BCAR3: variants seen among roughly 807,000 people sequenced by gnomAD.
BCAR3 encodes the protein breast cancer anti-estrogen resistance protein 3.
A neutral mutation model predicts 80.1 loss-of-function variants in BCAR3; 37 were observed. The ratio of observed to expected loss-of-function variants is 0.46; its 90% CI spans 0.36 to 0.61. The LOEUF (loss-of-function observed/expected upper bound fraction) is 0.61. BCAR3 is among the 20% of genes least tolerant of loss of function. BCAR3 has a pLI of 0.00. For synonymous variants in BCAR3, 389 were observed against 418.9 expected, an observed-to-expected ratio of 0.93 and a Z score of 0.87; for missense variants, 978 against 1,068.2, an observed-to-expected ratio of 0.92 and a Z score of 1.18.
chr1:93,790,017 GGAGTGTGT>G (rs1653085815), intron 2 of BCAR3, among the ~76,000 whole-genome samples: 1 of 152,102 alleles, frequency 6.6e-6, no homozygotes, highest in African/African-American at 2.4e-5. Flanking sequence ...AGTAGAGGAG[GGAGTGTGT>G]GGGACAAAAT....
rs1653306283 is a variant in BCAR3, at chr1:93,797,103, T to C, written c.-63+48464A>G. ...CTGCATCCAAAACGACTGGCCACGT[T>C]TTAGAGGCCACTTCTGCTTCCATTT... On this transcript the variant is annotated intron_variant, in intron 2 of 13. Transcript: ENST00000370244. Among the ~76,000 whole-genome samples the C allele has an allele frequency of 1.3e-5, 2 of 152,190 alleles. 1 individual carries two copies. Among genetic ancestry groups the C allele is most frequent in the South Asian group, 4.1e-4 (2 of 4,832 alleles).
chr1:93,631,749 C>CA (rs1557630848), intron 3 of BCAR3, among the ~76,000 whole-genome samples: 1 of 152,204 alleles, frequency 6.6e-6, no homozygotes, highest in Admixed American at 6.5e-5. Context: ...GCACAGAATA[C>CA]AAATTCACAC....
At chr1:93,703,677 A>G (rs1243388813) in intron 3 of BCAR3, among the ~76,000 whole-genome samples, 1 of 152,188 alleles carries the variant, frequency 6.6e-6, no homozygotes, top group African/African-American at 2.4e-5. Context: ...GAGTGCTTCT[A>G]TATGCCCATT....
chr1:93,712,779 A>G (rs1438011441), intron 2 of BCAR3, among the ~76,000 whole-genome samples: 1 of 152,232 alleles, frequency 6.6e-6, no homozygotes. Context: ...AAGAGTTCAC[A>G]TAACCTCTTC....
Position 93,744,710 on chromosome 1 carries a change from C to T in BCAR3, c.-62-38568G>A, listed in dbSNP as rs370410093. 7.2e-5 allele frequency among the ~76,000 whole-genome samples: 11 copies of T among 152,322 alleles called. No homozygotes were observed. In the East Asian group the frequency reaches 1.2e-3, roughly 16 times the overall value. ...CTGAGGCCAGCAGAAACCCCTGTCCCGCCTTCCTTGGCTCAGTTCTCTAGA... is the reference window on the plus strand; with the variant it reads ...CTGAGGCCAGCAGAAACCCCTGTCCTGCCTTCCTTGGCTCAGTTCTCTAGA... On this transcript the variant is annotated intron_variant, in intron 2 of 13. Coordinates refer to the BCAR3 transcript ENST00000370244.
intron 3 of BCAR3, chr1:93,613,838 C>G: frequency 6.5e-7 from 1 of 1,550,270 alleles, no homozygotes; most frequent in Non-Finnish European, 8.7e-7. Flanking sequence ...ATTTCCAAAC[C>G]AAACCTACCT....
At chr1:93,651,164 G>A (rs1676314422) in intron 2 of BCAR3, among the ~76,000 whole-genome samples, 1 of 152,210 alleles carries the variant, frequency 6.6e-6, no homozygotes, top group East Asian at 1.9e-4. Context: ...AGTGGGCTTG[G>A]GGAGAAGGTA....
At chr1:93,768,268 T>TG (rs1491125259) in intron 2 of BCAR3, among the ~76,000 whole-genome samples, 31 of 115,070 alleles carry the variant, frequency 2.7e-4, no homozygotes, top group African/African-American at 1.4e-3. Context: ...TGTGTGTGTG[T>TG]TTGTGTGTGT....
intron 2 of BCAR3, among the ~76,000 whole-genome samples, chr1:93,766,028 C>T (rs1249569111): frequency 6.6e-6 from 1 of 152,156 alleles, no homozygotes; most frequent in East Asian, 1.9e-4. Context: ...TAGTAGATCT[C>T]CAGAACTTAT....
intron 3 of BCAR3, among the ~76,000 whole-genome samples, chr1:93,699,708 T>C (rs1406899431): frequency 1.3e-5 from 2 of 152,190 alleles, no homozygotes; most frequent in Admixed American, 6.5e-5. Context: ...GTTTAGTTCA[T>C]GTGGGAGTGG....
At chr1:93,620,593 T>C (rs919000700) in intron 3 of BCAR3, among the ~76,000 whole-genome samples, 9 of 152,142 alleles carry the variant, frequency 5.9e-5, no homozygotes, top group African/African-American at 1.9e-4. Flanking sequence ...AGTTGCAGAA[T>C]TGGACTTCAG....
intron 3 of BCAR3, among the ~76,000 whole-genome samples, chr1:93,688,599 T>G (rs1649054827): frequency 2.0e-5 from 3 of 152,048 alleles, no homozygotes; most frequent in Admixed American, 2.0e-4. Flanking sequence ...TTACATTACT[T>G]ATTTATTTAT....
At chr1:93,756,610 T>G (rs958564639) in intron 2 of BCAR3, among the ~76,000 whole-genome samples, 5 of 152,250 alleles carry the variant, frequency 3.3e-5, no homozygotes, top group African/African-American at 1.2e-4. Flanking sequence ...CCAATTAAAA[T>G]GGTTATAAAA....
intron 2 of BCAR3, among the ~76,000 whole-genome samples, chr1:93,643,662 A>T (rs1486369760): frequency 6.6e-6 from 1 of 151,866 alleles, no homozygotes; most frequent in Non-Finnish European, 1.5e-5. Context: ...GATGTAGGTC[A>T]AAGGATAAAA....
intron 2 of BCAR3, among the ~76,000 whole-genome samples, chr1:93,781,359 C>T (rs910193625): frequency 6.6e-6 from 1 of 152,164 alleles, no homozygotes; most frequent in African/African-American, 2.4e-5. Context: ...GATACACAGG[C>T]CGTAATTTGC....
intron 2 of BCAR3, among the ~76,000 whole-genome samples, chr1:93,844,365 G>A (rs1042709779): frequency 2.0e-5 from 3 of 152,206 alleles, no homozygotes; most frequent in African/African-American, 7.2e-5. Flanking sequence ...GGGCTTTGCT[G>A]TCCAGCGAAC....
At chr1:93,616,982 C>T (rs1466116360) in intron 3 of BCAR3, among the ~76,000 whole-genome samples, 1 of 152,222 alleles carries the variant, frequency 6.6e-6, no homozygotes, top group African/African-American at 2.4e-5. Context: ...TTACCTCAGG[C>T]CAAATGTTGC....
chr1:93,699,157 G>A (rs1649542200), intron 3 of BCAR3, among the ~76,000 whole-genome samples: 1 of 152,214 alleles, frequency 6.6e-6, no homozygotes, highest in Non-Finnish European at 1.5e-5. Context: ...GAACCTCAGA[G>A]AGAAGAGATA....
chr1:93,828,213 T>A (rs1654436953), intron 2 of BCAR3, among the ~76,000 whole-genome samples: 2 of 152,044 alleles, frequency 1.3e-5, no homozygotes, highest in African/African-American at 4.8e-5. Context: ...GGCAGGAGGA[T>A]CACTCACTTG....
Sources: allele counts gnomAD v4.1 joint callset (sites outside exome capture counted in the v4.1 genomes callset), GRCh38; gene constraint gnomAD v4.1.1; transcripts MANE v1.5; gene names NCBI Gene and HGNC (gene_info 2026-07-23, HGNC 2026-07-21).